The following CASTOR2 variants were observed in gnomAD, a reference collection of about 807,000 sequenced individuals.
CASTOR2 encodes the protein cytosolic arginine sensor for mTORC1 subunit 2.
A neutral mutation model predicts 31.2 loss-of-function variants in CASTOR2; 8 were observed. The ratio of observed to expected loss-of-function variants is 0.26; its 90% confidence interval spans 0.15 to 0.46. The LOEUF (loss-of-function observed/expected upper bound fraction) is 0.46, where lower values mean the gene tolerates loss of function less well. CASTOR2 is among the 20% of genes least tolerant of loss of function. The pLI, the probability that CASTOR2 is intolerant of heterozygous loss-of-function variation, is 0.99. For missense variants in CASTOR2, 216 were observed against 382.1 expected (o/e 0.57, Z 3.62); for synonymous variants, 162 against 158.7 (o/e 1.02, Z -0.16).
In CASTOR2 at chr7:75,030,767, C is replaced by G. The variant is rs2131965630; in HGVS notation, c.*6068C>G. ...CAGAATTCACACGCCGTTGCCTCCA[C>G]CATGCTCTGGTTTGATACAGCCCAG... is the stretch of plus-strand genomic sequence containing the variant. On this transcript the variant is annotated 3_prime_UTR_variant, in exon 9 of 9. Coordinates refer to ENST00000616305, the MANE Select transcript of CASTOR2 (RefSeq NM_001145064.3). 6.6e-6 allele frequency among the ~76,000 whole-genome samples: 1 copy of G among 152,316 alleles called. No homozygotes were observed.
At chr7:75,007,894 C>T in intron 1 of CASTOR2, 100 bp from the exon 2 acceptor site, 1 of 1,576,446 alleles carries the variant, frequency 6.3e-7, no homozygotes, top group Non-Finnish European at 8.7e-7. Context: ...GGCCGGAACT[C>T]TGGGTGAACT....
intron 3 of CASTOR2, 45 bp downstream of exon 3, chr7:75,017,836 T>A: frequency 6.2e-7 from 1 of 1,613,916 alleles, no homozygotes; most frequent in Non-Finnish European, 8.5e-7. Flanking sequence ...CATGCCCGCC[T>A]CTGACACACT....
chr7:75,006,980 C>A (rs1444328706), intron 1 of CASTOR2, among the ~76,000 whole-genome samples: 1 of 152,130 alleles, frequency 6.6e-6, no homozygotes, highest in Non-Finnish European at 1.5e-5. Flanking sequence ...ACCTGGGTTA[C>A]TCATGGGCTT....
chr7:74,976,536 TCCTCCTC>T (rs1803813177), intron 1 of CASTOR2, among the ~76,000 whole-genome samples: 1 of 12,094 alleles, frequency 8.3e-5, no homozygotes, highest in East Asian at 0.023. Context: ...CCCTGTCTCC[TCCTCCTC>T]CTCCTCCTCC....
intron 1 of CASTOR2, among the ~76,000 whole-genome samples, chr7:74,987,857 C>T (rs1804109138): frequency 6.6e-6 from 1 of 151,876 alleles, no homozygotes; most frequent in Admixed American, 6.6e-5. Flanking sequence ...TATAGACACG[C>T]ACCACACAGC....
At chr7:75,017,302 C>G (rs1804886909) in intron 2 of CASTOR2, among the ~76,000 whole-genome samples, 2 of 152,148 alleles carry the variant, frequency 1.3e-5, no homozygotes, top group South Asian at 2.1e-4. Context: ...CAAAAATTAG[C>G]TGGGCGTGGT....
At chr7:74,975,806 C>T (rs1803793957) in intron 1 of CASTOR2, among the ~76,000 whole-genome samples, 3 of 125,896 alleles carry the variant, frequency 2.4e-5, no homozygotes, top group Admixed American at 8.4e-5. Context: ...ATGAGACTTC[C>T]GAGGCTAGGG....
intron 2 of CASTOR2, among the ~76,000 whole-genome samples, chr7:75,013,188 C>T (rs1554439637): frequency 6.6e-6 from 1 of 152,228 alleles, no homozygotes; most frequent in Non-Finnish European, 1.5e-5. Flanking sequence ...CCTCTTCTGC[C>T]ACTCTTAACA....
chr7:75,024,335 G>A (rs1304606670), intron 7 of CASTOR2, 105 bp from the exon 8 acceptor site: 59 of 1,089,338 alleles, frequency 5.4e-5, no homozygotes, highest in Middle Eastern at 2.1e-4. Context: ...TAGGAGGATG[G>A]TGGGTGCAGG....
At chr7:74,989,483 G>A (rs1278249123) in intron 1 of CASTOR2, among the ~76,000 whole-genome samples, 3 of 152,018 alleles carry the variant, frequency 2.0e-5, no homozygotes, top group East Asian at 1.9e-4. Flanking sequence ...GTGCAGTGGC[G>A]CAATCATAGC....
At chr7:75,015,363 A>G (rs1323315344) in intron 2 of CASTOR2, among the ~76,000 whole-genome samples, 1 of 152,104 alleles carries the variant, frequency 6.6e-6, no homozygotes, top group East Asian at 1.9e-4. Flanking sequence ...TTGAAATCTC[A>G]GACTCAAGCG....
At chr7:75,005,936 C>T (rs1254841860) in intron 1 of CASTOR2, among the ~76,000 whole-genome samples, 2 of 152,166 alleles carry the variant, frequency 1.3e-5, no homozygotes, top group Non-Finnish European at 2.9e-5. Context: ...TCGAGACCAG[C>T]CTGGCCAACA....
intron 1 of CASTOR2, among the ~76,000 whole-genome samples, chr7:74,998,081 C>G (rs1554438087): frequency 1.3e-5 from 2 of 152,174 alleles, no homozygotes; most frequent in Admixed American, 6.5e-5. Context: ...ACAAGTCCCC[C>G]CTGCCTTCAG....
At chr7:74,983,789 TTTC>T (rs2131923611) in intron 1 of CASTOR2, among the ~76,000 whole-genome samples, 1 of 150,196 alleles carries the variant, frequency 6.7e-6, no homozygotes, top group Non-Finnish European at 1.5e-5. Flanking sequence ...TCACCCTACC[TTTC>T]TTGTTTTCTT....
Position 75,031,411 on chromosome 7 carries a change from A to G in CASTOR2, c.*6712A>G, listed in dbSNP as rs1301482009. 6.6e-6 allele frequency among the ~76,000 whole-genome samples: 1 copy of G among 152,138 alleles called. No individual in the cohort carries two copies. Among genetic ancestry groups the G allele is most frequent in the Non-Finnish European group, 1.5e-5 (1 of 68,024 alleles). On this transcript the variant is annotated 3_prime_UTR_variant, in exon 9 of 9. Coordinates refer to ENST00000616305, the MANE Select transcript of CASTOR2 (RefSeq NM_001145064.3). ...AAGCTTATTTTCTTGTTGAAGAAAC[A>G]CAAAACCCTCGAGATTCATGTACTG...
At chr7:74,972,910 C>T (rs1218596270) in intron 1 of CASTOR2, among the ~76,000 whole-genome samples, 1 of 148,024 alleles carries the variant, frequency 6.8e-6, no homozygotes, top group Non-Finnish European at 1.5e-5. Flanking sequence ...GAACTCCTGA[C>T]CTTGTGATCT....
rs1399408038 is a variant in CASTOR2 at position 74,999,273 on chromosome 7, G to A, written c.114-8721G>A. On this transcript the variant is annotated intron_variant, in intron 1 of 8. Coordinates refer to ENST00000616305, the MANE Select transcript of CASTOR2 (RefSeq NM_001145064.3). ...GATCCACCCGCCTCGGCTTCCCCAA[G>A]TGCTGGGATTACAAGCATGAGCCAC... Among the ~76,000 whole-genome samples the A allele has an allele frequency of 3.5e-3, 526 of 152,196 alleles. 5 individuals are homozygous for A. The highest frequency in any genetic ancestry group is 0.012 in the African/African-American group (503 of 41,526).
chr7:75,020,041 T>C lies in CASTOR2; in HGVS notation c.638T>C (p.Val213Ala). Reference sequence around the variant, plus strand: ...TACCAGCTGCCTCTGGTCCCCAGAGTGAAGGACCCCATGGCCACTGGGGAT... The same window carrying C: ...TACCAGCTGCCTCTGGTCCCCAGAGCGAAGGACCCCATGGCCACTGGGGAT... Reference protein sequence around the residue: ...LMDVMFYSNGVKDPMATGDDC... With the variant: ...LMDVMFYSNGAKDPMATGDDC... Residue 213 changes from valine to alanine, a missense_variant and splice_region_variant, in exon 6 of 9, where the codon GTG (valine) becomes GCG (alanine). By Grantham distance (64) the Val-to-Ala change is moderately conservative. Coordinates refer to ENST00000616305, the MANE Select transcript of CASTOR2 (RefSeq NM_001145064.3). 6.4e-7 allele frequency: 1 copy of C among 1,551,020 alleles called. No homozygotes were observed. Among genetic ancestry groups the C allele is most frequent in the Non-Finnish European group, 8.7e-7 (1 of 1,146,700 alleles).
At chr7:74,992,628 C>CG (rs1804238914) in intron 1 of CASTOR2, among the ~76,000 whole-genome samples, 2 of 152,040 alleles carry the variant, frequency 1.3e-5, no homozygotes, top group Non-Finnish European at 2.9e-5. Context: ...TTAGTAGAGA[C>CG]GGGGTTTCAC....
Sources: gnomAD v4.1 joint callset for allele counts (sites outside exome capture counted in the v4.1 genomes callset) on GRCh38, gnomAD v4.1.1 for gene constraint, MANE v1.5 for transcripts, NCBI Gene and HGNC (gene_info 2026-07-23, HGNC 2026-07-21) for gene names.